Variants in GNAL observed in about 807,000 individuals in gnomAD.
GNAL encodes G protein subunit alpha L, also known as guanine nucleotide-binding protein G(olf) subunit alpha.
Under a neutral mutation model 55.1 loss-of-function variants are expected in GNAL, and 18 were observed. The ratio of observed to expected loss-of-function variants is 0.33; its 90% CI spans 0.23 to 0.48. GNAL has a LOEUF of 0.48. Ranked by LOEUF, GNAL falls within the 20% of genes least tolerant of loss-of-function variation. GNAL has a pLI of 0.99. For missense variants in GNAL, 412 were observed against 614.1 expected (o/e 0.67, Z 3.48); for synonymous variants, 253 against 237.0 (o/e 1.07, Z -0.62).
chr18:11,735,059 GT>G (rs1478489287), intron 1 of GNAL, among the ~76,000 whole-genome samples: 1 of 149,720 alleles, frequency 6.7e-6, no homozygotes, highest in Non-Finnish European at 1.5e-5. Context: ...TTTTGTGGGG[GT>G]TTTTTTTGAG....
intron 5 of GNAL, chr18:11,852,300 T>A: frequency 1.5e-6 from 1 of 669,654 alleles, no homozygotes; most frequent in Non-Finnish European, 2.5e-6. Context: ...AGCTGGATTC[T>A]AAAGTTCTGT....
chr18:11,756,911 G>A (rs950433219), intron 4 of GNAL, among the ~76,000 whole-genome samples: 1 of 152,166 alleles, frequency 6.6e-6, no homozygotes, highest in African/African-American at 2.4e-5. Flanking sequence ...TTGAATCCTT[G>A]AGAAAGCCTG....
At chr18:11,793,440 G>A (rs2143449988) in intron 4 of GNAL, among the ~76,000 whole-genome samples, 1 of 152,098 alleles carries the variant, frequency 6.6e-6, no homozygotes, top group African/African-American at 2.4e-5. Context: ...TAATTATCCA[G>A]GCCTGGTGGC....
intron 1 of GNAL, among the ~76,000 whole-genome samples, chr18:11,722,473 T>C (rs544039752): frequency 3.3e-5 from 5 of 152,248 alleles, no homozygotes; most frequent in Non-Finnish European, 5.9e-5. Context: ...CTTTGCCATG[T>C]AATTTGTTAG....
At chr18:11,847,968 A>G (rs1365104332) in intron 5 of GNAL, among the ~76,000 whole-genome samples, 1 of 152,202 alleles carries the variant, frequency 6.6e-6, no homozygotes, top group Admixed American at 6.5e-5. Context: ...CACGGTGGTC[A>G]GAGATAATTC....
At chr18:11,727,963 G>T (rs1019832529) in intron 1 of GNAL, among the ~76,000 whole-genome samples, 1 of 152,114 alleles carries the variant, frequency 6.6e-6, no homozygotes, top group Admixed American at 6.6e-5. Context: ...ATGATGGCTC[G>T]TGCCTATAAC....
chr18:11,842,729 A>G (rs1402081365), intron 5 of GNAL, among the ~76,000 whole-genome samples: 1 of 152,192 alleles, frequency 6.6e-6, no homozygotes, highest in Non-Finnish European at 1.5e-5. Context: ...CTGTAAATAC[A>G]GATGACGTTT....
At chr18:11,781,782 C>G (rs1348887325) in intron 4 of GNAL, among the ~76,000 whole-genome samples, 1 of 152,148 alleles carries the variant, frequency 6.6e-6, no homozygotes, top group East Asian at 1.9e-4. Context: ...GTTTAATCCT[C>G]TTTTGAGGAA....
rs113354400 is a variant in GNAL, at chr18:11,739,846, CTT to C, written c.377-12994_377-12993del. 1.6e-3 allele frequency among the ~76,000 whole-genome samples: 234 copies of C among 142,150 alleles called. 1 individual carries two copies. The highest frequency in any genetic ancestry group is 5.0e-3 in the East Asian group (24 of 4,834). The allele number at this position is 142,150 out of a possible 152,430, so 93.3% of individuals were successfully genotyped here. A position where few individuals can be genotyped will look rare whatever the true frequency, so the allele number is the denominator to read the frequency against. ...GTCCAGTTTCTCCACTGTGTGGTTA[CTT>C]TTTTTTTTTTTTATGTTGCCACTAA... On this transcript the variant is annotated intron_variant, in intron 1 of 11. Coordinates refer to ENST00000334049, the MANE Select transcript of GNAL (RefSeq NM_182978.4).
intron 1 of GNAL, among the ~76,000 whole-genome samples, chr18:11,691,700 T>C (rs951973489): frequency 2.0e-5 from 3 of 152,126 alleles, no homozygotes; most frequent in Admixed American, 6.5e-5. Flanking sequence ...TTTCCCAGCA[T>C]CATTTATTAA....
In GNAL at chr18:11,751,584, G is replaced by A. The variant is rs1598428270; in HGVS notation, c.377-1269G>A. On this transcript the variant is annotated intron_variant, in intron 1 of 11. Coordinates refer to ENST00000334049, the MANE Select transcript of GNAL (RefSeq NM_182978.4). The surrounding 1 kb of genome is among the most constrained non-coding windows in gnomAD (Gnocchi z 4.5). Reference sequence around the variant, plus strand: ...CGAGTCTTCGCCCGCCAGGAGCAGGGACGCGTCCGAGCCAACACGGGGCGC... The same window carrying A: ...CGAGTCTTCGCCCGCCAGGAGCAGGAACGCGTCCGAGCCAACACGGGGCGC... The A allele has an allele frequency of 5.1e-6, 5 of 985,482 alleles. No individual in the cohort carries two copies. The highest frequency in any genetic ancestry group is 6.0e-6 in the Non-Finnish European group (5 of 829,970). The allele number at this position is 985,482 out of a possible 1,614,324, so 61.0% of individuals were successfully genotyped here.
chr18:11,698,670 C>T (rs2143308014), intron 1 of GNAL, among the ~76,000 whole-genome samples: 1 of 152,142 alleles, frequency 6.6e-6, no homozygotes, highest in East Asian at 1.9e-4. Context: ...CACTCCTGCA[C>T]CTTGTGCCAT....
intron 5 of GNAL, chr18:11,852,028 A>C (rs763933033): frequency 6.2e-7 from 1 of 1,613,832 alleles, no homozygotes; most frequent in South Asian, 1.1e-5. Flanking sequence ...GCAGGGCCAG[A>C]CCGGCTCCGT....
Position 11,881,194 on chromosome 18 carries a change from A to C in GNAL, c.*59A>C. On this transcript the variant is annotated 3_prime_UTR_variant, in exon 12 of 12. Coordinates refer to ENST00000334049, the MANE Select transcript of GNAL (RefSeq NM_182978.4). The surrounding 1 kb of genome is among the most constrained non-coding windows in gnomAD (Gnocchi z 4.8). Reference sequence around the variant, plus strand: ...CCCGGACTGCCTGACTGCCAGCCCCATGCCATGGTAGGAGGCAGAGTCTCT... The same window carrying C: ...CCCGGACTGCCTGACTGCCAGCCCCCTGCCATGGTAGGAGGCAGAGTCTCT... 1 of 1,502,576 alleles carries C rather than the reference A, an allele frequency of 6.7e-7. No homozygotes were observed. Among genetic ancestry groups the C allele is most frequent in the Non-Finnish European group, 9.0e-7 (1 of 1,108,684 alleles). The allele number at this position is 1,502,576 out of a possible 1,614,324, so 93.1% of individuals were successfully genotyped here.
intron 4 of GNAL, among the ~76,000 whole-genome samples, chr18:11,800,097 T>A (rs925595593): frequency 2.0e-5 from 3 of 152,170 alleles, no homozygotes; most frequent in Non-Finnish European, 2.9e-5. Context: ...TCCCATTAGG[T>A]CAACAACCTT....
intron 11 of GNAL, among the ~76,000 whole-genome samples, chr18:11,879,321 T>C (rs1235545363): frequency 6.6e-6 from 1 of 151,872 alleles, no homozygotes; most frequent in African/African-American, 2.4e-5. Context: ...GTGGAGGGGA[T>C]GAGGAGGAGG....
chr18:11,712,859 C>T (rs2031870550), intron 1 of GNAL, among the ~76,000 whole-genome samples: 1 of 152,138 alleles, frequency 6.6e-6, no homozygotes, highest in Admixed American at 6.5e-5. Context: ...TTCCCTGTGT[C>T]ATTCACTAGC....
At chr18:11,844,042 A>T (rs1416510437) in intron 5 of GNAL, among the ~76,000 whole-genome samples, 5 of 152,216 alleles carry the variant, frequency 3.3e-5, no homozygotes. Context: ...ACGAAAAGAA[A>T]TGGCCAAGAT....
chr18:11,753,563 C>A, intron 2 of GNAL, 65 bp from the exon 3 acceptor site: 1 of 1,025,412 alleles, frequency 9.8e-7, no homozygotes, highest in South Asian at 1.3e-5. Flanking sequence ...TTTAAAATCC[C>A]ACTCAATTGA....
Sources: gnomAD v4.1 joint callset for allele counts (sites outside exome capture counted in the v4.1 genomes callset) on GRCh38, gnomAD v4.1.1 for gene constraint, Gnocchi (gnomAD v3.1) non-coding constraint, MANE v1.5 for transcripts, NCBI Gene and HGNC (gene_info 2026-07-23, HGNC 2026-07-21) for gene names.